The following RPA3 variants were observed in gnomAD, a reference collection of about 807,000 sequenced individuals.
RPA3 encodes replication protein A 14 kDa subunit.
A neutral mutation model predicts 13.7 loss-of-function variants in RPA3; 24 were observed. The observed-to-expected ratio is 1.75, with a 90% confidence interval of 1.27 to 2.46. RPA3 has a LOEUF of 2.46. RPA3 is among the 30% of genes most tolerant of loss of function. The probability of loss-of-function intolerance (pLI) is 0.00; values close to 1 mark genes in which losing one functional copy is unlikely to be tolerated. For synonymous variants in RPA3, 59 were observed against 51.2 expected (o/e 1.15, Z -0.65); for missense variants, 183 against 151.0 (o/e 1.21, Z -1.11).
chr7:7,685,789 T>C (rs895961815), intron 4 of RPA3, 41 bp downstream of exon 4: 1 of 152,242 alleles, frequency 6.6e-6, no homozygotes, highest in Admixed American at 6.5e-5. Context: ...AATTTAAGTG[T>C]TTTCTTCCTT....
rs1211690971 is a variant in RPA3 at position 7,640,397 on chromosome 7, G to C, written c.22C>G (p.Pro8Ala). Reference protein sequence around the residue: MVDMMDLPRSRINAGMLA... With the variant: MVDMMDLARSRINAGMLA... ...ATGCCGGCGTTGATGCGCGACCTGG[G>C]CAAGTCCATCATGTCCACCATGATT... The change falls in exon 5 of 8, where the codon CCC becomes GCC. Residue 8 changes from proline (P) to alanine (A), a missense_variant. Physicochemically the swap from Pro to Ala is conservative, Grantham distance 27 (BLOSUM62 -1). Transcript: ENST00000223129. 6.2e-7 allele frequency: 1 copy of C among 1,613,890 alleles called. No individual in the cohort carries two copies. Among genetic ancestry groups the C allele is most frequent in the African/African-American group, 1.3e-5 (1 of 74,898 alleles).
At chr7:7,705,034 T>C (rs1233499381) in intron 2 of RPA3, among the ~76,000 whole-genome samples, 1 of 152,188 alleles carries the variant, frequency 6.6e-6, no homozygotes, top group African/African-American at 2.4e-5. Context: ...CTTCTTGGCA[T>C]CTGTAACACA....
At chr7:7,644,045 A>G (rs1785038994) in intron 4 of RPA3, among the ~76,000 whole-genome samples, 1 of 152,142 alleles carries the variant, frequency 6.6e-6, no homozygotes, top group Non-Finnish European at 1.5e-5. Flanking sequence ...TGGTGGTACC[A>G]GTTTACTCTC....
At chr7:7,709,251 A>G (rs567839890) in intron 2 of RPA3, among the ~76,000 whole-genome samples, 1 of 152,296 alleles carries the variant, frequency 6.6e-6, no homozygotes, top group African/African-American at 2.4e-5. Flanking sequence ...GCATGGGGTT[A>G]CTTTTAATAT....
At chr7:7,690,057 G>A (rs1780137535) in intron 2 of RPA3, among the ~76,000 whole-genome samples, 2 of 152,108 alleles carry the variant, frequency 1.3e-5, no homozygotes, top group South Asian at 2.1e-4. Flanking sequence ...TGGGAAATAA[G>A]CTTGCCATTA....
At chr7:7,646,740 T>C (rs575056546) in intron 4 of RPA3, among the ~76,000 whole-genome samples, 1 of 151,976 alleles carries the variant, frequency 6.6e-6, no homozygotes, top group East Asian at 1.9e-4. Context: ...CCATGGCCAA[T>C]CTCCTCTCTG....
chr7:7,644,289 T>C (rs566010361), intron 4 of RPA3, among the ~76,000 whole-genome samples: 1 of 152,202 alleles, frequency 6.6e-6, no homozygotes, highest in African/African-American at 2.4e-5. Context: ...ATTAGTGAGA[T>C]ATTGTAATGG....
Position 7,685,906 on chromosome 7 carries a change from A to T in RPA3, c.-834T>A, listed in dbSNP as rs1278020803. 6.6e-6 allele frequency: 1 copy of T among 152,206 alleles called. No homozygotes were observed. Among genetic ancestry groups the T allele is most frequent in the Non-Finnish European group, 1.5e-5 (1 of 68,030 alleles). The allele number at this position is 152,206 out of a possible 1,614,324, so 9.4% of individuals were successfully genotyped here. ...TGTCGTATCTTTTTTTGATTGTAGT[A>T]ATCAGTAAGTGAACATTCTTGAGCA... On this transcript the variant is annotated 5_prime_UTR_variant, in exon 4 of 8. Coordinates refer to ENST00000223129, the MANE Select transcript of RPA3 (RefSeq NM_002947.5).
chr7:7,685,123 A>G (rs1232120803), intron 4 of RPA3, among the ~76,000 whole-genome samples: 1 of 152,176 alleles, frequency 6.6e-6, no homozygotes, highest in African/African-American at 2.4e-5. Context: ...AATGTACAGT[A>G]TGAATATTCT....
intron 4 of RPA3, among the ~76,000 whole-genome samples, chr7:7,678,397 T>C (rs1489936993): frequency 6.8e-6 from 1 of 146,518 alleles, no homozygotes; most frequent in African/African-American, 2.5e-5. Context: ...GAGAAATAGC[T>C]ATTCAGATAT....
intron 2 of RPA3, among the ~76,000 whole-genome samples, chr7:7,688,440 T>G (rs144315932): frequency 2.0e-5 from 3 of 152,182 alleles, no homozygotes; most frequent in Admixed American, 1.3e-4. Context: ...GTTTGCCTTT[T>G]CACTGATTAT....
intron 4 of RPA3, chr7:7,641,680 A>T (rs1199283212): frequency 6.6e-6 from 1 of 152,150 alleles, no homozygotes; most frequent in Non-Finnish European, 1.5e-5. Context: ...TTCTAGAATG[A>T]GTGCACATAA....
chr7:7,673,441 T>G lies in RPA3; in HGVS notation c.-758+12389A>C, dbSNP rs181569638. On this transcript the variant is annotated intron_variant, in intron 4 of 7. Coordinates refer to ENST00000223129, the MANE Select transcript of RPA3 (RefSeq NM_002947.5). The stretch of plus-strand genomic sequence containing the variant: ...AGTACCAGAGACAGAAGCAGATGGA[T>G]TCGTCCTTTTAGGTGAGTCTTTTTA... 1.6e-3 allele frequency: 1,443 copies of G among 902,650 alleles called. 27 individuals are homozygous for G. The Admixed American group carries it at 0.025, about 16-fold the overall frequency. The allele number at this position is 902,650 out of a possible 1,614,324, so 55.9% of individuals were successfully genotyped here.
intron 1 of RPA3, among the ~76,000 whole-genome samples, chr7:7,717,646 G>T (rs1458575795): frequency 2.6e-5 from 4 of 152,096 alleles, no homozygotes; most frequent in African/African-American, 9.7e-5. Flanking sequence ...TAATTCATCT[G>T]TTTTTCCCAC....
intron 4 of RPA3, among the ~76,000 whole-genome samples, chr7:7,682,370 A>T (rs1779932643): frequency 6.6e-6 from 1 of 152,198 alleles, no homozygotes. Context: ...TTTTAAGATT[A>T]TCTCCTATGG....
intron 4 of RPA3, among the ~76,000 whole-genome samples, chr7:7,665,028 C>T (rs1038169478): frequency 6.6e-6 from 1 of 152,078 alleles, no homozygotes; most frequent in South Asian, 2.1e-4. Flanking sequence ...CACACACACA[C>T]ATTCATACAC....
intron 2 of RPA3, among the ~76,000 whole-genome samples, chr7:7,691,817 A>G (rs1780178879): frequency 6.6e-6 from 1 of 152,188 alleles, no homozygotes; most frequent in Non-Finnish European, 1.5e-5. Context: ...CTCAGGAGGG[A>G]AAAAGGTGGT....
chr7:7,656,585 T>A (rs1014362572), intron 4 of RPA3, among the ~76,000 whole-genome samples: 1 of 152,152 alleles, frequency 6.6e-6, no homozygotes, highest in Non-Finnish European at 1.5e-5. Context: ...TCTGTTCTTG[T>A]GTTTGTTTGC....
intron 4 of RPA3, among the ~76,000 whole-genome samples, chr7:7,665,349 A>G (rs754916316): frequency 1.1e-4 from 17 of 152,216 alleles, no homozygotes; most frequent in Non-Finnish European, 2.2e-4. Flanking sequence ...AAGTCAATAC[A>G]GTGTCCTTTT....
Sources: allele counts gnomAD v4.1 joint callset (sites outside exome capture counted in the v4.1 genomes callset), GRCh38; gene constraint gnomAD v4.1.1; transcripts MANE v1.5; gene names NCBI Gene and HGNC (gene_info 2026-07-23, HGNC 2026-07-21).